Variants in MCM3 observed in about 807,000 individuals in gnomAD.
MCM3 encodes DNA replication licensing factor MCM3.
MCM3 carries 59 observed loss-of-function variants against 91.3 expected under a neutral mutation model. The observed-to-expected ratio is 0.65, with a 90% CI of 0.52 to 0.80. MCM3 has a LOEUF of 0.80. Among genes scored for constraint, MCM3 ranks in the 30% least tolerant of loss-of-function variants. The pLI, the probability that MCM3 is intolerant of heterozygous loss-of-function variation, is 0.00. For missense variants in MCM3, 919 were observed against 1,035.4 expected, an observed-to-expected ratio of 0.89 and a Z score of 1.54; for synonymous variants, 383 against 379.6, an observed-to-expected ratio of 1.01 and a Z score of -0.10.
Position 52,279,348 on chromosome 6 carries a change from G to A in MCM3, c.770+13C>T. 5 of 1,602,398 alleles carry A rather than the reference G, an allele frequency of 3.1e-6. No individual in the cohort carries two copies. Among genetic ancestry groups the A allele is most frequent in the Non-Finnish European group, 4.3e-6 (5 of 1,170,176 alleles). On this transcript the variant is annotated intron_variant, in intron 5 of 16. Coordinates refer to ENST00000596288, the MANE Select transcript of MCM3 (RefSeq NM_002388.6). ...TCAACAGCATTCCATATACTTTAAG[G>A]CAGACCCTTTACCTGAAGGTCCCAG...
rs2128276416 is a variant in MCM3 at position 52,269,096 on chromosome 6, T to C, written c.1958A>G (p.Tyr653Cys). Residue 653 changes from tyrosine to cysteine, a missense_variant, in exon 13 of 17, where the codon TAC becomes TGC. Transcript: ENST00000596288. ...CATCTGAATCCTCACCTTCTTAAAG[T>C]AAGCATACTGGACCAACTCCACAGC... ...EEAVELVQYA[Y>C]FKKVLEKEKK... 2 of 1,612,236 alleles carry C rather than the reference T, an allele frequency of 1.2e-6. No homozygotes were observed. Among genetic ancestry groups the C allele is most frequent in the Non-Finnish European group, 1.7e-6 (2 of 1,178,558 alleles).
chr6:52,271,997 A>C (rs1206928730), intron 12 of MCM3, among the ~76,000 whole-genome samples: 1 of 152,144 alleles, frequency 6.6e-6, no homozygotes, highest in Non-Finnish European at 1.5e-5. Flanking sequence ...AGTGTTTATT[A>C]ATTTTACATT....
At position 52,281,729 on chromosome 6, in the gene MCM3, C is replaced by T. The variant is rs1766114082; in HGVS notation, c.531+316G>A. On this transcript the variant is annotated intron_variant, in intron 4 of 16. Coordinates refer to ENST00000596288, the MANE Select transcript of MCM3 (RefSeq NM_002388.6). ...AGGTGGCGTAGCACATGCCTGCAATCCCAACTACTTGGGAGGATCACTTGA... is the reference window on the plus strand; with the variant it reads ...AGGTGGCGTAGCACATGCCTGCAATTCCAACTACTTGGGAGGATCACTTGA... 2.0e-5 allele frequency among the ~76,000 whole-genome samples: 3 copies of T among 152,136 alleles called. No individual in the cohort carries two copies. The South Asian group carries it at 6.2e-4, about 32-fold the overall frequency.
Position 52,276,427 on chromosome 6 carries a change from C to T in MCM3, c.1215G>A (p.Val405=). Residue 405 remains valine, a synonymous_variant, in exon 9 of 17, where the codon GTG becomes GTA. Coordinates refer to ENST00000596288, the MANE Select transcript of MCM3 (RefSeq NM_002388.6). The part of the protein sequence containing the change: ...AGAMVLADRG[V]VCIDEFDKMS... ...TTTTGTCAAATTCATCAATGCAAACCACGCCTCGGTCAGCCAGGACCATGG... is the reference window on the plus strand; with the variant it reads ...TTTTGTCAAATTCATCAATGCAAACTACGCCTCGGTCAGCCAGGACCATGG... 1 of 1,614,198 alleles carries T rather than the reference C, an allele frequency of 6.2e-7. No individual in the cohort carries two copies. The highest frequency in any genetic ancestry group is 8.5e-7 in the Non-Finnish European group (1 of 1,180,040).
chr6:52,284,689 A>G lies in MCM3; in HGVS notation c.-15T>C. ...GTACCCGCCATGCCCGCTGCCAAAGAACTACCTCCACCAAAGTCGCGTGGA... is the reference window on the plus strand; with the variant it reads ...GTACCCGCCATGCCCGCTGCCAAAGGACTACCTCCACCAAAGTCGCGTGGA... On this transcript the variant is annotated 5_prime_UTR_variant, in exon 1 of 17. Coordinates refer to ENST00000596288, the MANE Select transcript of MCM3 (RefSeq NM_002388.6). 1 of 1,604,314 alleles carries G rather than the reference A, an allele frequency of 6.2e-7. No homozygotes were observed. Among genetic ancestry groups the G allele is most frequent in the Non-Finnish European group, 8.5e-7 (1 of 1,176,322 alleles).
At chr6:52,269,755 A>C (rs1764938943) in intron 12 of MCM3, among the ~76,000 whole-genome samples, 1 of 152,222 alleles carries the variant, frequency 6.6e-6, no homozygotes, top group Non-Finnish European at 1.5e-5. Flanking sequence ...ACACATTCCT[A>C]ACAAATGTTT....
intron 15 of MCM3, 26 bp downstream of exon 15, chr6:52,266,585 T>C (rs1245350855): frequency 2.5e-6 from 4 of 1,602,058 alleles, no homozygotes; most frequent in Admixed American, 1.7e-5. Context: ...GAACAACCTC[T>C]TTCATCAGTA....
chr6:52,275,162 T>C (rs1452726262), intron 9 of MCM3, among the ~76,000 whole-genome samples: 1 of 152,082 alleles, frequency 6.6e-6, no homozygotes, highest in African/African-American at 2.4e-5. Context: ...GAGCTCCAAC[T>C]CAAGAGATTT....
rs1370108278 is a variant in MCM3, at chr6:52,276,079, A to T, written c.1374+189T>A. 1.2e-5 allele frequency: 7 copies of T among 593,984 alleles called. No homozygotes were observed. In the African/African-American group the frequency reaches 1.3e-4, roughly 11 times the overall value. The allele number at this position is 593,984 out of a possible 1,614,324, so 36.8% of individuals were successfully genotyped here. The stretch of plus-strand genomic sequence containing the variant: ...GTTACTTTTAAATAAGGAACTTTCC[A>T]GGGGATTCTGCTGTGCAGGAATGGG... On this transcript the variant is annotated intron_variant, in intron 9 of 16. Coordinates refer to ENST00000596288, the MANE Select transcript of MCM3 (RefSeq NM_002388.6).
At chr6:52,282,542 C>A in intron 3 of MCM3, 111 bp downstream of exon 3, 1 of 945,212 alleles carries the variant, frequency 1.1e-6, no homozygotes, top group Non-Finnish European at 1.6e-6. Flanking sequence ...CACGTAATTC[C>A]AATGCTCCAC....
At chr6:52,268,598 G>C (rs1359896746) in intron 13 of MCM3, among the ~76,000 whole-genome samples, 1 of 152,068 alleles carries the variant, frequency 6.6e-6, no homozygotes, top group African/African-American at 2.4e-5. Context: ...AAATGACAGA[G>C]GTGCAATGTC....
chr6:52,281,551 A>G (rs1562398223), intron 4 of MCM3, among the ~76,000 whole-genome samples: 1 of 152,094 alleles, frequency 6.6e-6, no homozygotes, highest in East Asian at 1.9e-4. Flanking sequence ...CTGGTGGTGC[A>G]TGCCTATAAT....
rs1258426445 is a variant in MCM3, at chr6:52,282,702, G to C, written c.351C>G (p.Thr117=). The C allele has an allele frequency of 1.2e-6, 2 of 1,613,750 alleles. No homozygotes were observed. The highest frequency in any genetic ancestry group is 1.7e-6 in the Non-Finnish European group (2 of 1,180,038). Residue 117 remains threonine (T), a synonymous_variant, in exon 3 of 17, where the codon ACC becomes ACG. Transcript: ENST00000596288. ...AGACCACACAGCTGAGGAAGCAGGA[G>C]GTAAGAGTCCGCGGGGAGACGTGCT... ...GSKHVSPRTL[T]SCFLSCVVCV... is the part of the protein sequence containing the mutation.
intron 11 of MCM3, 25 bp downstream of exon 11, chr6:52,273,205 G>A: frequency 6.2e-7 from 1 of 1,613,940 alleles, no homozygotes; most frequent in East Asian, 2.2e-5. Flanking sequence ...AGGTTCCCTT[G>A]AGGAAGAGTT....
At chr6:52,276,572 G>C in intron 8 of MCM3, 96 bp from the exon 9 acceptor site, 1 of 1,068,968 alleles carries the variant, frequency 9.4e-7, no homozygotes, top group South Asian at 1.6e-5. Flanking sequence ...CTCTCACTTT[G>C]CACGTGAGAA....
chr6:52,264,738 A>T lies in MCM3; in HGVS notation c.2277T>A (p.His759Gln), dbSNP rs746282185. The T allele has an allele frequency of 6.2e-7, 1 of 1,614,066 alleles. No individual in the cohort carries two copies. ...VALLDVFREA[H>Q]AQSIGMNRLT... ...GGCGATTCATGCCGATTGACTGCGCATGAGCTTCCCGGAACACATCCAAGA... is the reference window on the plus strand; with the variant it reads ...GGCGATTCATGCCGATTGACTGCGCTTGAGCTTCCCGGAACACATCCAAGA... Residue 759 changes from histidine (H) to glutamine (Q), a missense_variant, in exon 17 of 17, where the codon CAT (histidine) becomes CAA (glutamine). Physicochemically the swap from His to Gln is conservative, Grantham distance 24. Transcript: ENST00000596288.
chr6:52,267,213 C>A (rs1216285244), intron 14 of MCM3, among the ~76,000 whole-genome samples: 1 of 150,054 alleles, frequency 6.7e-6, no homozygotes, highest in African/African-American at 2.4e-5. Context: ...ATTCTCCTGC[C>A]TCAGCCTCCC....
chr6:52,282,876 GAGAA>G lies in MCM3; in HGVS notation c.192-19_192-16del, dbSNP rs773339958. ...TGTTCAGAAGCCTGTACATAAGCAA[GAGAA>G]AGAAAAATTAGACTGGGCAGAACTC... On this transcript the variant is annotated splice_polypyrimidine_tract_variant and intron_variant, in intron 2 of 16. Transcript: ENST00000596288. The G allele has an allele frequency of 3.1e-6, 5 of 1,609,030 alleles. No homozygotes were observed. In the South Asian group the frequency reaches 5.5e-5, roughly 18 times the overall value.
intron 7 of MCM3, 137 bp downstream of exon 7, chr6:52,277,398 A>AC (rs1765673387): frequency 9.2e-7 from 1 of 1,092,040 alleles, no homozygotes; most frequent in Admixed American, 2.6e-5. Flanking sequence ...ACAAAAAAAA[A>AC]AAAGATTCAT....
Sources: allele counts gnomAD v4.1 joint callset (sites outside exome capture counted in the v4.1 genomes callset), GRCh38; gene constraint gnomAD v4.1.1; transcripts MANE v1.5; gene names NCBI Gene and HGNC (gene_info 2026-07-23, HGNC 2026-07-21).